AMPH: variants seen among roughly 807,000 people sequenced by gnomAD.
The protein encoded by AMPH is amphiphysin, also known as amphiphysin (Stiff-Mann syndrome with breast cancer 128kD autoantigen).
A neutral mutation model predicts 99.1 loss-of-function variants in AMPH; 49 were observed. The ratio of observed to expected loss-of-function variants is 0.49; its 90% CI spans 0.39 to 0.63. The LOEUF is 0.63. Among genes scored for constraint, AMPH ranks in the 20% least tolerant of loss-of-function variants. The pLI is 0.00. For missense variants in AMPH, 759 were observed against 863.4 expected, an observed-to-expected ratio of 0.88 and a Z score of 1.52; for synonymous variants, 314 against 317.3, an observed-to-expected ratio of 0.99 and a Z score of 0.11.
chr7:38,502,969 T>A (rs1789195023), intron 3 of AMPH, among the ~76,000 whole-genome samples: 1 of 152,176 alleles, frequency 6.6e-6, no homozygotes, highest in Non-Finnish European at 1.5e-5. Flanking sequence ...AAAATCTGCC[T>A]TATGATACAT....
At chr7:38,429,716 T>C (rs1224055534) in intron 14 of AMPH, 126 bp downstream of exon 14, 2 of 1,312,368 alleles carry the variant, frequency 1.5e-6, no homozygotes, top group Non-Finnish European at 2.1e-6. Flanking sequence ...ATTACATTCA[T>C]TGGCTTAAGG....
chr7:38,502,891 ACT>A (rs1489929863), intron 3 of AMPH, among the ~76,000 whole-genome samples: 1 of 151,946 alleles, frequency 6.6e-6, no homozygotes, highest in East Asian at 1.9e-4. Context: ...TGAGAATTTC[ACT>A]CTGTTTTCTA....
intron 11 of AMPH, among the ~76,000 whole-genome samples, chr7:38,450,793 C>T (rs1786981751): frequency 6.6e-6 from 1 of 151,662 alleles, no homozygotes; most frequent in African/African-American, 2.4e-5. Context: ...AGGTCCCCAG[C>T]AAAAAATATT....
At chr7:38,442,627 A>G (rs1233803759) in intron 11 of AMPH, among the ~76,000 whole-genome samples, 1 of 152,192 alleles carries the variant, frequency 6.6e-6, no homozygotes, top group South Asian at 2.1e-4. Context: ...AAAAGAAATC[A>G]AAGTGGAAAT....
rs1793094261 is a variant in AMPH at position 38,597,305 on chromosome 7, GTTATA to G, written c.69+33973_69+33977del. Among the ~76,000 whole-genome samples, 7 of 151,970 alleles carry G rather than the reference GTTATA, an allele frequency of 4.6e-5. No homozygotes were observed. In the South Asian group the frequency reaches 1.5e-3, roughly 32 times the overall value. On this transcript the variant is annotated intron_variant, in intron 1 of 20. Transcript: ENST00000356264. ...TTAACAGGAATCTGTCATCATGAAA[GTTATA>G]TTATGTTAAATAATTGCCCTCTACT...
At chr7:38,395,224 G>A (rs1297253918) in intron 17 of AMPH, among the ~76,000 whole-genome samples, 2 of 150,666 alleles carry the variant, frequency 1.3e-5, no homozygotes, top group African/African-American at 2.4e-5. Context: ...ACTTTCACAG[G>A]AAAAAAAAAT....
At chr7:38,604,116 T>C (rs114738520) in intron 1 of AMPH, among the ~76,000 whole-genome samples, 369 of 152,230 alleles carry the variant, frequency 2.4e-3, no homozygotes, top group African/African-American at 8.4e-3. Flanking sequence ...CTGTCTGAAA[T>C]GGGATGATGT....
chr7:38,444,984 T>TATATCC, intron 11 of AMPH, among the ~76,000 whole-genome samples: 2 of 8,986 alleles, frequency 2.2e-4, no homozygotes, highest in East Asian at 5.6e-3. Flanking sequence ...TATATCCATA[T>TATATCC]ATATACATAT....
intron 19 of AMPH, among the ~76,000 whole-genome samples, chr7:38,391,001 GAGAGAGAGAGAGA>G (rs1562721092): frequency 0.029 from 1,617 of 55,378 alleles, 18 homozygotes; most frequent in Admixed American, 0.041. Flanking sequence ...GAGAGAGAGA[GAGAGAGAGAGAGA>G]GAATGATACA....
intron 16 of AMPH, chr7:38,421,081 C>A (rs1339852321): frequency 2.2e-6 from 1 of 456,368 alleles, no homozygotes; most frequent in African/African-American, 2.0e-5. Flanking sequence ...AAGCTAAGTT[C>A]CCCATGGAAA....
At chr7:38,595,399 T>C (rs1193295740) in intron 1 of AMPH, among the ~76,000 whole-genome samples, 1 of 152,172 alleles carries the variant, frequency 6.6e-6, no homozygotes, top group African/African-American at 2.4e-5. Context: ...TGAAGGGCTC[T>C]ATAGCCAGGA....
intron 2 of AMPH, among the ~76,000 whole-genome samples, chr7:38,534,351 G>A (rs1250969057): frequency 6.6e-6 from 1 of 152,140 alleles, no homozygotes; most frequent in Non-Finnish European, 1.5e-5. Context: ...AGAAACACCA[G>A]CATTCCTATA....
intron 1 of AMPH, among the ~76,000 whole-genome samples, chr7:38,551,873 G>A (rs1584236417): frequency 1.3e-5 from 2 of 152,200 alleles, no homozygotes; most frequent in African/African-American, 4.8e-5. Flanking sequence ...GAATTAACAT[G>A]GGTGCAAGAG....
intron 7 of AMPH, among the ~76,000 whole-genome samples, chr7:38,474,133 C>T (rs1787996160): frequency 6.6e-6 from 1 of 151,926 alleles, no homozygotes; most frequent in Non-Finnish European, 1.5e-5. Context: ...GGAGAGTGAT[C>T]CAGAAGCCCA....
At chr7:38,610,292 G>GAAAGAAAGA (rs2129065419) in intron 1 of AMPH, among the ~76,000 whole-genome samples, 2 of 10,872 alleles carry the variant, frequency 1.8e-4, no homozygotes, top group South Asian at 3.5e-3. Context: ...AAGAAAGAAA[G>GAAAGAAAGA]AAAGAAAAGA....
In AMPH at chr7:38,571,086, CA is replaced by C. The variant is rs368326567; in HGVS notation, c.70-36076del. ...TGAATATATATAGAATATATATATTCATATATTGAATATATATATTCATATA... is the reference window on the plus strand; with the variant it reads ...TGAATATATATAGAATATATATATTCTATATTGAATATATATATTCATATA... On this transcript the variant is annotated intron_variant, in intron 1 of 20. Transcript: ENST00000356264. Among the ~76,000 whole-genome samples the C allele has an allele frequency of 2.6e-3, 61 of 23,790 alleles. 5 individuals are homozygous for C. Among genetic ancestry groups the C allele is most frequent in the African/African-American group, 3.4e-3 (21 of 6,102 alleles). The allele number at this position is 23,790 out of a possible 152,430, so 15.6% of individuals were successfully genotyped here.
At chr7:38,608,791 A>G (rs916624166) in intron 1 of AMPH, among the ~76,000 whole-genome samples, 1 of 152,198 alleles carries the variant, frequency 6.6e-6, no homozygotes, top group African/African-American at 2.4e-5. Context: ...CACATCAGCA[A>G]TCGAAATTAT....
At chr7:38,551,125 C>T (rs1051518750) in intron 1 of AMPH, among the ~76,000 whole-genome samples, 1 of 152,154 alleles carries the variant, frequency 6.6e-6, no homozygotes, top group Non-Finnish European at 1.5e-5. Flanking sequence ...TTTTGGATTT[C>T]AGCACCACTG....
intron 2 of AMPH, among the ~76,000 whole-genome samples, chr7:38,518,541 T>C (rs560913522): frequency 6.6e-6 from 1 of 152,364 alleles, no homozygotes; most frequent in Admixed American, 6.5e-5. Flanking sequence ...TTTTCTCTGT[T>C]GGGTTTTGGG....
Sources: gnomAD v4.1 joint callset for allele counts (sites outside exome capture counted in the v4.1 genomes callset) on GRCh38, gnomAD v4.1.1 for gene constraint, MANE v1.5 for transcripts, NCBI Gene and HGNC (gene_info 2026-07-23, HGNC 2026-07-21) for gene names.